CBR4: variants seen among roughly 807,000 people sequenced by gnomAD.
CBR4 encodes carbonyl reductase 4.
Under a neutral mutation model 21.0 loss-of-function variants are expected in CBR4, and 22 were observed. That is an observed-to-expected ratio of 1.05 (90% CI 0.75 to 1.50). The LOEUF is 1.50. Among genes scored for constraint, CBR4 ranks in the 40% most tolerant of loss-of-function variants. The pLI is 0.00. For missense variants in CBR4, 302 were observed against 286.3 expected, an observed-to-expected ratio of 1.05 and a Z score of -0.40; for synonymous variants, 100 against 104.4, an observed-to-expected ratio of 0.96 and a Z score of 0.26.
intron 2 of CBR4, among the ~76,000 whole-genome samples, chr4:168,981,540 G>T (rs74983664): frequency 1.3e-5 from 2 of 152,086 alleles, no homozygotes; most frequent in Non-Finnish European, 2.9e-5. Flanking sequence ...AGAGCTCAAA[G>T]AACAGTTCTT....
At chr4:168,903,540 CAAAA>C (rs1231886122) in intron 2 of CBR4, among the ~76,000 whole-genome samples, 1 of 152,046 alleles carries the variant, frequency 6.6e-6, no homozygotes, top group Non-Finnish European at 1.5e-5. Context: ...TTTTTAAAAA[CAAAA>C]GGAAGATATA....
In CBR4 at chr4:168,938,106, A is replaced by C. The variant is rs185056620; in HGVS notation, n.170-43341T>G. Among the ~76,000 whole-genome samples the C allele has an allele frequency of 4.8e-3, 735 of 152,342 alleles. 7 individuals carry two copies. The highest frequency in any genetic ancestry group is 5.5e-3 in the Admixed American group (84 of 15,300). ...AATGCAAAAGAATGGAAATCATAACAAACAGTCTGTCAGACCACAGTGCAA... is the reference window on the plus strand; with the variant it reads ...AATGCAAAAGAATGGAAATCATAACCAACAGTCTGTCAGACCACAGTGCAA... On this transcript the variant is annotated intron_variant and non_coding_transcript_variant, in intron 2 of 3. Transcript: ENST00000509108.
At position 168,921,474 on chromosome 4, in the gene CBR4, T is replaced by C. The variant is rs1359710201; in HGVS notation, n.170-26709A>G. 3.7e-6 allele frequency: 4 copies of C among 1,073,926 alleles called. No homozygotes were observed. The East Asian group carries it at 1.1e-4, about 30-fold the overall frequency. 66.5% of individuals were successfully genotyped at this position (1,073,926 alleles called of 1,614,324 possible). The stretch of plus-strand genomic sequence containing the variant: ...GAGGAATTTATGCAGACTTCTTAGC[T>C]ACCAGTGATTTCACTCTGTTTTAAT... On this transcript the variant is annotated intron_variant and non_coding_transcript_variant, in intron 2 of 3. Coordinates refer to the CBR4 transcript ENST00000509108.
In CBR4 at chr4:169,006,947, G is replaced by A. The variant is rs1730957198; in HGVS notation, c.264-56C>T. The A allele has an allele frequency of 2.4e-5, 34 of 1,407,570 alleles. No individual in the cohort carries two copies. The South Asian group carries it at 4.0e-4, about 17-fold the overall frequency. The allele number at this position is 1,407,570 out of a possible 1,614,324, so 87.2% of individuals were successfully genotyped here. A position where few individuals can be genotyped will look rare whatever the true frequency, so the allele number is the denominator to read the frequency against. On this transcript the variant is annotated intron_variant, in intron 2 of 4. Coordinates refer to ENST00000306193, the MANE Select transcript of CBR4 (RefSeq NM_032783.5). ...TAATAACAAGATAAAAACCAAAAAG[G>A]TCAAGACTAATGTAACATTTTTACT...
chr4:169,000,464 A>C (rs140858891), intron 4 of CBR4, among the ~76,000 whole-genome samples: 73 of 152,276 alleles, frequency 4.8e-4, no homozygotes, highest in African/African-American at 1.7e-3. Flanking sequence ...TAAATCCCTG[A>C]TACCTGCTGG....
At chr4:169,006,453 G>A (rs546694167) in intron 3 of CBR4, among the ~76,000 whole-genome samples, 1 of 152,170 alleles carries the variant, frequency 6.6e-6, no homozygotes, top group Non-Finnish European at 1.5e-5. Context: ...CTGAATCTAA[G>A]TGGTGGCCTC....
chr4:168,955,943 T>C (rs1763673145), intron 2 of CBR4, among the ~76,000 whole-genome samples: 1 of 152,116 alleles, frequency 6.6e-6, no homozygotes, highest in Non-Finnish European at 1.5e-5. Flanking sequence ...AGCTCCTTAA[T>C]AACCTATGGG....
At chr4:168,986,479 A>G (rs1343054544), downstream of CBR4, among the ~76,000 whole-genome samples, 1 of 152,180 alleles carries the variant, frequency 6.6e-6, no homozygotes, top group Non-Finnish European at 1.5e-5. Flanking sequence ...TATGTGTGTG[A>G]TTAAGTCTGC....
At chr4:168,898,689 G>C in intron 2 of CBR4, 1 of 1,613,704 alleles carries the variant, frequency 6.2e-7, no homozygotes, top group Non-Finnish European at 8.5e-7. Flanking sequence ...TTCACATGTA[G>C]AGTGGCTGGA....
At chr4:168,948,559 G>C (rs1763456452) in intron 2 of CBR4, among the ~76,000 whole-genome samples, 1 of 152,116 alleles carries the variant, frequency 6.6e-6, no homozygotes, top group South Asian at 2.1e-4. Context: ...GAGAAATGAG[G>C]ATCCAGTTTC....
intron 4 of CBR4, among the ~76,000 whole-genome samples, chr4:168,995,580 C>T (rs1935505385): frequency 6.9e-6 from 1 of 144,304 alleles, no homozygotes; most frequent in Non-Finnish European, 1.5e-5. Context: ...GCTCTCTCTC[C>T]TTGGCCCCAA....
chr4:168,926,872 AC>A (rs558581664), intron 2 of CBR4: 132 of 220,800 alleles, frequency 6.0e-4, no homozygotes, highest in Admixed American at 2.7e-3. Flanking sequence ...AGAAGAGATG[AC>A]AAAGAAATCC....
Position 168,971,969 on chromosome 4 carries a change from G to C in CBR4, n.169+30102C>G, listed in dbSNP as rs567239190. Reference sequence around the variant, plus strand: ...CATCTTGAATTGATTTTTGTATAAGGTGAGAGATGAGAACCCAGTTTCATT... The same window carrying C: ...CATCTTGAATTGATTTTTGTATAAGCTGAGAGATGAGAACCCAGTTTCATT... On this transcript the variant is annotated intron_variant and non_coding_transcript_variant, in intron 2 of 3. Transcript: ENST00000509108. Among the ~76,000 whole-genome samples, 249 of 152,258 alleles carry C rather than the reference G, an allele frequency of 1.6e-3. 2 individuals are homozygous for C. Among genetic ancestry groups the C allele is most frequent in the Admixed American group, 4.0e-3 (61 of 15,294 alleles).
At chr4:168,907,504 G>A (rs1265797136) in intron 2 of CBR4, among the ~76,000 whole-genome samples, 2 of 152,212 alleles carry the variant, frequency 1.3e-5, no homozygotes, top group African/African-American at 4.8e-5. Context: ...GGCTTGGGTG[G>A]AGGAGCTGTG....
At chr4:168,953,274 G>A (rs1036059778) in intron 2 of CBR4, among the ~76,000 whole-genome samples, 3 of 151,798 alleles carry the variant, frequency 2.0e-5, no homozygotes, top group South Asian at 2.1e-4. Context: ...GTGCCCCCCC[G>A]CAAAAGCACC....
At chr4:168,921,074 A>AAAG (rs1761385472) in intron 2 of CBR4, among the ~76,000 whole-genome samples, 1 of 152,120 alleles carries the variant, frequency 6.6e-6, no homozygotes, top group Non-Finnish European at 1.5e-5. Context: ...GTTTAAAGCA[A>AAAG]AAGTTTTAAG....
intron 2 of CBR4, among the ~76,000 whole-genome samples, chr4:168,903,243 T>A (rs1409940284): frequency 6.6e-6 from 1 of 152,106 alleles, no homozygotes; most frequent in Non-Finnish European, 1.5e-5. Context: ...AGTCATCACC[T>A]CCCTCCCTAC....
intron 2 of CBR4, among the ~76,000 whole-genome samples, chr4:168,946,682 GAATA>G (rs1456284864): frequency 2.0e-5 from 3 of 152,024 alleles, no homozygotes; most frequent in Non-Finnish European, 4.4e-5. Context: ...TATTTTTGAT[GAATA>G]AATATTTTGA....
At chr4:168,921,596 C>T in intron 2 of CBR4, 2 of 1,610,404 alleles carry the variant, frequency 1.2e-6, no homozygotes, top group Non-Finnish European at 1.7e-6. Flanking sequence ...TACGCCCTGA[C>T]AGTGCTCACA....
Sources: allele counts gnomAD v4.1 joint callset (sites outside exome capture counted in the v4.1 genomes callset), GRCh38; gene constraint gnomAD v4.1.1; transcripts MANE v1.5; gene names NCBI Gene and HGNC (gene_info 2026-07-23, HGNC 2026-07-21).